VPS8: variants seen among roughly 807,000 people sequenced by gnomAD.
VPS8 encodes VPS8 subunit of CORVET complex, also known as vacuolar protein sorting-associated protein 8 homolog.
In VPS8, 129 loss-of-function variants were observed where a neutral mutation model predicts 216.4. The ratio of observed to expected loss-of-function variants is 0.60; its 90% CI spans 0.52 to 0.69. The LOEUF (loss-of-function observed/expected upper bound fraction) is 0.69, where lower values mean the gene tolerates loss of function less well. Ranked by LOEUF, VPS8 falls within the 30% of genes least tolerant of loss-of-function variation. The pLI is 0.00. For missense variants in VPS8, 1,531 were observed against 1,683.5 expected, an observed-to-expected ratio of 0.91 and a Z score of 1.59; for synonymous variants, 571 against 565.4, an observed-to-expected ratio of 1.01 and a Z score of -0.14.
chr3:184,939,956 G>A (rs573432006), intron 35 of VPS8, among the ~76,000 whole-genome samples: 2 of 152,178 alleles, frequency 1.3e-5, no homozygotes, highest in South Asian at 2.1e-4. Context: ...TGTTTTGGGC[G>A]ATAATAGGGT....
At chr3:184,987,133 A>G (rs1430439423) in intron 42 of VPS8, among the ~76,000 whole-genome samples, 1 of 152,020 alleles carries the variant, frequency 6.6e-6, no homozygotes, top group Non-Finnish European at 1.5e-5. Context: ...CTTTTATTTG[A>G]GACAGAGTCT....
intron 46 of VPS8, among the ~76,000 whole-genome samples, chr3:185,030,143 C>T (rs1398542643): frequency 6.6e-6 from 1 of 152,128 alleles, no homozygotes; most frequent in Non-Finnish European, 1.5e-5. Context: ...ATGAACTCCC[C>T]AGGATAGATC....
chr3:184,943,958 C>T (rs371645658), intron 36 of VPS8, among the ~76,000 whole-genome samples: 2 of 152,066 alleles, frequency 1.3e-5, no homozygotes, highest in East Asian at 1.9e-4. Flanking sequence ...AAAAATTAGC[C>T]GGGCGTGGTC....
Position 185,024,357 on chromosome 3 carries a change from C to T in VPS8, c.4024C>T (p.His1342Tyr). 1 of 1,598,038 alleles carries T rather than the reference C, an allele frequency of 6.3e-7. No homozygotes were observed. Among genetic ancestry groups the T allele is most frequent in the Non-Finnish European group, 8.5e-7 (1 of 1,171,496 alleles). Residue 1342 changes from histidine to tyrosine, a missense_variant, in exon 46 of 48, where the codon CAT becomes TAT. This residue lies in a region of VPS8 where 1,318 missense variants were observed against 1,468.4 expected (regional missense o/e 0.90). Coordinates refer to ENST00000625842, the MANE Select transcript of VPS8 (RefSeq NM_001009921.3). The stretch of plus-strand genomic sequence containing the variant: ...CCAGGTAAAAATGTCTCCATCGTAT[C>T]ATCAGTCCAAAGGGGATCCCACTGC... ...PSQVKMSPSY[H>Y]QSKGDPTAKK...
At chr3:184,850,956 G>T (rs1724140013) in intron 10 of VPS8, among the ~76,000 whole-genome samples, 1 of 152,216 alleles carries the variant, frequency 6.6e-6, no homozygotes, top group Non-Finnish European at 1.5e-5. Context: ...TTATGGCAAA[G>T]TATCTTGACC....
At chr3:184,945,801 A>G (rs1317047734) in intron 36 of VPS8, among the ~76,000 whole-genome samples, 1 of 152,220 alleles carries the variant, frequency 6.6e-6, no homozygotes, top group African/African-American at 2.4e-5. Context: ...CTGGTGTAAT[A>G]ACTTGAGTCA....
intron 40 of VPS8, among the ~76,000 whole-genome samples, chr3:184,975,097 G>C (rs1355792778): frequency 6.6e-6 from 1 of 152,024 alleles, no homozygotes; most frequent in African/African-American, 2.4e-5. Context: ...TGTGAAAAAT[G>C]TTACTGGTAT....
At chr3:184,990,990 T>C (rs963619868) in intron 42 of VPS8, among the ~76,000 whole-genome samples, 1 of 152,116 alleles carries the variant, frequency 6.6e-6, no homozygotes, top group African/African-American at 2.4e-5. Context: ...ATTTTTGTTA[T>C]ATACATTCTA....
At chr3:184,897,879 A>C (rs1261437627) in intron 23 of VPS8, among the ~76,000 whole-genome samples, 1 of 152,028 alleles carries the variant, frequency 6.6e-6, no homozygotes, top group Non-Finnish European at 1.5e-5. Context: ...CTCTGTCCTT[A>C]AGCACTTCAA....
intron 4 of VPS8, among the ~76,000 whole-genome samples, chr3:184,834,446 A>T (rs1720641398): frequency 6.6e-6 from 1 of 152,126 alleles, no homozygotes; most frequent in African/African-American, 2.4e-5. Flanking sequence ...ACATGTATAC[A>T]TATGTAACAA....
At chr3:185,051,600 C>T (rs1461062309) in intron 47 of VPS8, among the ~76,000 whole-genome samples, 3 of 152,162 alleles carry the variant, frequency 2.0e-5, no homozygotes, top group African/African-American at 7.2e-5. Context: ...GGTGGGAGAG[C>T]TCTCCAGTGC....
At chr3:184,959,699 T>C (rs1361214672) in intron 37 of VPS8, among the ~76,000 whole-genome samples, 1 of 152,218 alleles carries the variant, frequency 6.6e-6, no homozygotes, top group Non-Finnish European at 1.5e-5. Context: ...TTGTTTGCTT[T>C]TTCCATTGGG....
chr3:185,039,075 AAG>A (rs1759290089), intron 46 of VPS8, among the ~76,000 whole-genome samples: 1 of 152,172 alleles, frequency 6.6e-6, no homozygotes, highest in Admixed American at 6.5e-5. Flanking sequence ...TCTTGGGATA[AAG>A]AGAGCCTGCT....
At chr3:184,969,928 G>C (rs1206960558) in intron 39 of VPS8, among the ~76,000 whole-genome samples, 1 of 7,518 alleles carries the variant, frequency 1.3e-4, no homozygotes, top group Non-Finnish European at 2.7e-4. Flanking sequence ...TTTTTTTTTT[G>C]AGACGGAGTC....
At position 184,844,118 on chromosome 3, in the gene VPS8, G is replaced by A. The variant is rs146122608; in HGVS notation, c.541+873G>A. Among the ~76,000 whole-genome samples the A allele has an allele frequency of 5.6e-3, 858 of 152,192 alleles. 7 individuals are homozygous for A. The highest frequency in any genetic ancestry group is 0.019 in the African/African-American group (800 of 41,554). The stretch of plus-strand genomic sequence containing the variant: ...TCCCTCGGTCCTAGAGAATATTTTA[G>A]TGTGAATAAAGGATAAGAAAAGGCT... On this transcript the variant is annotated intron_variant, in intron 8 of 47. Transcript: ENST00000625842.
chr3:185,027,796 C>T (rs888912495), intron 46 of VPS8, among the ~76,000 whole-genome samples: 6 of 152,132 alleles, frequency 3.9e-5, no homozygotes, highest in East Asian at 1.9e-4. Context: ...CTCTTAGAAT[C>T]GGCATCAGGC....
At chr3:185,033,371 T>A (rs1227530417) in intron 46 of VPS8, among the ~76,000 whole-genome samples, 1 of 152,246 alleles carries the variant, frequency 6.6e-6, no homozygotes, top group African/African-American at 2.4e-5. Flanking sequence ...TGGCATGTAA[T>A]CGCATAGTAT....
intron 36 of VPS8, among the ~76,000 whole-genome samples, chr3:184,948,978 A>G (rs954270412): frequency 1.3e-5 from 2 of 152,088 alleles, no homozygotes; most frequent in East Asian, 1.9e-4. Flanking sequence ...CTTTCTTTTC[A>G]TGACTATCAG....
At chr3:184,952,870 A>G (rs183783744) in intron 36 of VPS8, among the ~76,000 whole-genome samples, 6 of 152,356 alleles carry the variant, frequency 3.9e-5, no homozygotes, top group Non-Finnish European at 8.8e-5. Context: ...GAGCTGTCAC[A>G]TTGAAACAGC....
Sources: gnomAD v4.1 joint callset for allele counts (sites outside exome capture counted in the v4.1 genomes callset) on GRCh38, gnomAD v4.1.1 for gene constraint, gnomAD v4.1.1 regional missense constraint, MANE v1.5 for transcripts, NCBI Gene and HGNC (gene_info 2026-07-23, HGNC 2026-07-21) for gene names.